The following MAST2 variants were observed in gnomAD, a reference collection of about 807,000 sequenced individuals.
MAST2 encodes the protein microtubule-associated serine/threonine-protein kinase 2.
Under a neutral mutation model 147.4 loss-of-function variants are expected in MAST2, and 70 were observed. The observed-to-expected ratio is 0.47, with a 90% CI of 0.39 to 0.58. The LOEUF is 0.58. Ranked by LOEUF, MAST2 falls within the 20% of genes least tolerant of loss-of-function variation. MAST2 has a pLI of 0.00. For synonymous variants in MAST2, 869 were observed against 896.8 expected, an observed-to-expected ratio of 0.97 and a Z score of 0.55; for missense variants, 2,080 against 2,302.3, an observed-to-expected ratio of 0.90 and a Z score of 1.98.
chr1:45,970,614 G>A (rs1245256684), intron 5 of MAST2, among the ~76,000 whole-genome samples: 1 of 140,086 alleles, frequency 7.1e-6, no homozygotes, highest in East Asian at 2.1e-4. Flanking sequence ...CTTGCAGTGA[G>A]CCCAGATCGC....
At chr1:45,929,525 A>G (rs1654944480) in intron 4 of MAST2, among the ~76,000 whole-genome samples, 1 of 152,210 alleles carries the variant, frequency 6.6e-6, no homozygotes, top group Admixed American at 6.5e-5. Context: ...CTTGTTATGT[A>G]GACTCTGGGA....
intron 4 of MAST2, among the ~76,000 whole-genome samples, chr1:45,915,220 A>T (rs1222530521): frequency 6.6e-6 from 1 of 152,126 alleles, no homozygotes; most frequent in African/African-American, 2.4e-5. Context: ...TACCTGGCAA[A>T]TCATGCTCTT....
intron 4 of MAST2, among the ~76,000 whole-genome samples, chr1:45,933,113 G>C (rs1334212180): frequency 7.3e-6 from 1 of 137,282 alleles, no homozygotes; most frequent in Non-Finnish European, 1.5e-5. Flanking sequence ...GCACATGCCT[G>C]TAGTCCCAGC....
chr1:45,962,547 C>CT (rs1660581399), intron 5 of MAST2, among the ~76,000 whole-genome samples: 1 of 152,196 alleles, frequency 6.6e-6, no homozygotes, highest in Non-Finnish European at 1.5e-5. Context: ...TTTCATGTGT[C>CT]TGTTGGCTGC....
At chr1:45,886,914 C>T (rs1033401200) in intron 4 of MAST2, among the ~76,000 whole-genome samples, 7 of 152,142 alleles carry the variant, frequency 4.6e-5, no homozygotes, top group Non-Finnish European at 8.8e-5. Context: ...GCAGCCTGGT[C>T]CTCCCTGGCC....
intron 3 of MAST2, among the ~76,000 whole-genome samples, chr1:45,871,652 A>G (rs1411951081): frequency 6.6e-6 from 1 of 152,140 alleles, no homozygotes; most frequent in Non-Finnish European, 1.5e-5. Flanking sequence ...CAGAATTGCA[A>G]ACAAAAGTCA....
chr1:45,809,645 AAAAC>A (rs549807798), intron 1 of MAST2, among the ~76,000 whole-genome samples: 114 of 152,294 alleles, frequency 7.5e-4, no homozygotes, highest in Middle Eastern at 3.4e-3. Flanking sequence ...AAGAAAGCAA[AAAAC>A]AAACAAACAA....
intron 5 of MAST2, among the ~76,000 whole-genome samples, chr1:45,982,224 G>A (rs1322645376): frequency 4.6e-5 from 7 of 152,152 alleles, no homozygotes; most frequent in Non-Finnish European, 8.8e-5. Flanking sequence ...ACATTTTTAG[G>A]CCTTAGCATC....
rs564442101 is a variant in MAST2 at position 46,033,788 on chromosome 1, G to T, written c.3538-14G>T. On this transcript the variant is annotated splice_polypyrimidine_tract_variant and intron_variant, in intron 26 of 28. Transcript: ENST00000361297. Reference sequence around the variant, plus strand: ...GGCTCCAGCTTAGCCTAGGCCTCATGCTCTGCTCCCCAGAGTGGAAACAAG... The same window carrying T: ...GGCTCCAGCTTAGCCTAGGCCTCATTCTCTGCTCCCCAGAGTGGAAACAAG... 3.1e-6 allele frequency: 5 copies of T among 1,613,756 alleles called. No homozygotes were observed. The South Asian group carries it at 5.5e-5, about 18-fold the overall frequency.
rs555606177 is a variant in MAST2 at position 45,848,983 on chromosome 1, T to A, written c.468+19402T>A. ...ATCAGGAAGGCAATCCCATTCACAA[T>A]TACCACAAAAAGAATACAATACCTA... is the stretch of plus-strand genomic sequence containing the variant. On this transcript the variant is annotated intron_variant, in intron 3 of 28. Coordinates refer to ENST00000361297, the MANE Select transcript of MAST2 (RefSeq NM_015112.3). Among the ~76,000 whole-genome samples, 7 of 152,108 alleles carry A rather than the reference T, an allele frequency of 4.6e-5. No individual in the cohort carries two copies. The East Asian group carries it at 1.2e-3, about 25-fold the overall frequency.
intron 3 of MAST2, among the ~76,000 whole-genome samples, chr1:45,845,830 G>A (rs1248568918): frequency 6.6e-6 from 1 of 152,254 alleles, no homozygotes; most frequent in East Asian, 1.9e-4. Flanking sequence ...GTGCGATCTC[G>A]GCTCACTGCA....
At chr1:45,844,048 A>AT (rs1281258011) in intron 3 of MAST2, among the ~76,000 whole-genome samples, 1 of 152,120 alleles carries the variant, frequency 6.6e-6, no homozygotes, top group Admixed American at 6.6e-5. Context: ...GTGACGTCAA[A>AT]TTTTTTTCTT....
At chr1:45,855,694 G>A (rs979030887) in intron 3 of MAST2, among the ~76,000 whole-genome samples, 1 of 152,024 alleles carries the variant, frequency 6.6e-6, no homozygotes. Flanking sequence ...TGGTTTTCGT[G>A]TGCCGATCTT....
rs1344755791 is a variant in MAST2, at chr1:46,023,206, T to C, written c.1486-27T>C. 4 of 1,597,152 alleles carry C rather than the reference T, an allele frequency of 2.5e-6. No individual in the cohort carries two copies. In the African/African-American group the frequency reaches 5.4e-5, roughly 21 times the overall value. The stretch of plus-strand genomic sequence containing the variant: ...ATATGGGCTCTGAGAAGCATGCCTG[T>C]CTCCTGCCTTTTCCCTTGTCTTCCA... On this transcript the variant is annotated intron_variant, in intron 13 of 28. Coordinates refer to ENST00000361297, the MANE Select transcript of MAST2 (RefSeq NM_015112.3). The surrounding 1 kb of genome is among the most constrained non-coding windows in gnomAD (Gnocchi z 4.9).
At chr1:45,944,822 C>G (rs773671844) in intron 4 of MAST2, among the ~76,000 whole-genome samples, 2 of 152,208 alleles carry the variant, frequency 1.3e-5, no homozygotes, top group African/African-American at 2.4e-5. Flanking sequence ...CTCTTGGAAG[C>G]CTCCTGTCCT....
chr1:45,867,846 A>G (rs1461941028), intron 3 of MAST2, among the ~76,000 whole-genome samples: 1 of 152,192 alleles, frequency 6.6e-6, no homozygotes, highest in Non-Finnish European at 1.5e-5. Flanking sequence ...AGGTAAATGT[A>G]TTGACTCACA....
chr1:45,894,914 A>G lies in MAST2; in HGVS notation c.500+12519A>G, dbSNP rs151035103. 3.2e-3 allele frequency among the ~76,000 whole-genome samples: 486 copies of G among 152,292 alleles called. 1 individual carries two copies. Among genetic ancestry groups the G allele is most frequent in the Non-Finnish European group, 5.1e-3 (350 of 68,018 alleles). On this transcript the variant is annotated intron_variant, in intron 4 of 28. Coordinates refer to ENST00000361297, the MANE Select transcript of MAST2 (RefSeq NM_015112.3). Reference sequence around the variant, plus strand: ...CTCAGTTTCCATTTTCAATACTGTAATTATTGATGGTTATATCCCACAGAA... The same window carrying G: ...CTCAGTTTCCATTTTCAATACTGTAGTTATTGATGGTTATATCCCACAGAA...
In MAST2 at chr1:46,034,887, G is replaced by C; in HGVS notation, c.4218G>C (p.Gln1406His). The C allele has an allele frequency of 6.2e-7, 1 of 1,614,236 alleles. No individual in the cohort carries two copies. Among genetic ancestry groups the C allele is most frequent in the Non-Finnish European group, 8.5e-7 (1 of 1,180,040 alleles). ...PPRSPLLKRV[Q>H]SAEKLAAALA... ...GTTCACCACTACTCAAGAGGGTGCA[G>C]TCGGCTGAGAAACTGGCAGCAGCAC... Residue 1406 changes from glutamine to histidine, a missense_variant, in exon 29 of 29, where the codon CAG becomes CAC. Gln to His is a conservative substitution (Grantham distance 24). This residue lies in a region of MAST2 where 1,278 missense variants were observed against 1,304.2 expected (regional missense o/e 0.98). Coordinates refer to ENST00000361297, the MANE Select transcript of MAST2 (RefSeq NM_015112.3).
chr1:45,853,499 G>T (rs1477748356), intron 3 of MAST2, among the ~76,000 whole-genome samples: 1 of 151,856 alleles, frequency 6.6e-6, no homozygotes, highest in Non-Finnish European at 1.5e-5. Flanking sequence ...GATTACAGGT[G>T]TGTACCATCA....
Sources: allele counts gnomAD v4.1 joint callset (sites outside exome capture counted in the v4.1 genomes callset), GRCh38; gene constraint gnomAD v4.1.1; regional missense constraint gnomAD v4.1.1; non-coding constraint Gnocchi (gnomAD v3.1); transcripts MANE v1.5; gene names NCBI Gene and HGNC (gene_info 2026-07-23, HGNC 2026-07-21).